Variants in TRAPPC9 observed in about 807,000 individuals in gnomAD.
The protein encoded by TRAPPC9 is IKK2 binding protein.
TRAPPC9 carries 83 observed loss-of-function variants against 124.0 expected under a neutral mutation model. The ratio of observed to expected loss-of-function variants is 0.67; its 90% CI spans 0.56 to 0.80. The LOEUF is 0.80. TRAPPC9 is among the 30% of genes least tolerant of loss of function. The pLI, the probability that TRAPPC9 is intolerant of heterozygous loss-of-function variation, is 0.00. For synonymous variants in TRAPPC9, 638 were observed against 617.5 expected, an observed-to-expected ratio of 1.03 and a Z score of -0.49; for missense variants, 1,302 against 1,508.3, an observed-to-expected ratio of 0.86 and a Z score of 2.27.
intron 11 of TRAPPC9, among the ~76,000 whole-genome samples, chr8:140,296,250 G>A (rs2131798739): frequency 6.6e-6 from 1 of 152,102 alleles, no homozygotes; most frequent in Non-Finnish European, 1.5e-5. Flanking sequence ...TTCACAAAAG[G>A]AATCTTTGAC....
At position 140,300,560 on chromosome 8, in the gene TRAPPC9, G is replaced by A; in HGVS notation, c.1677C>T (p.Ser559=). ...TGGTTGACACGTTCTGACCCAGCAA[G>A]CTTTTCATTTTGTGTGGCCGGAGGC... ...PASLRPHKMK[S]LLGQNVSTKS... is the part of the protein sequence containing the mutation. Residue 559 remains serine (S), a synonymous_variant, in exon 11 of 23, where the codon AGC becomes AGT. Coordinates refer to ENST00000438773, the MANE Select transcript of TRAPPC9 (RefSeq NM_001160372.4). 1 of 1,614,236 alleles carries A rather than the reference G, an allele frequency of 6.2e-7. No homozygotes were observed. The highest frequency in any genetic ancestry group is 2.2e-5 in the East Asian group (1 of 44,890).
intron 17 of TRAPPC9, among the ~76,000 whole-genome samples, chr8:140,192,098 G>A (rs1402932871): frequency 1.3e-5 from 2 of 152,162 alleles, no homozygotes; most frequent in African/African-American, 4.8e-5. Flanking sequence ...TGAAGCTTTG[G>A]TTAAGCAAAA....
chr8:139,947,094 G>T (rs1834275148), intron 19 of TRAPPC9, among the ~76,000 whole-genome samples: 1 of 152,208 alleles, frequency 6.6e-6, no homozygotes, highest in Admixed American at 6.5e-5. Flanking sequence ...TAATTAAATT[G>T]CAGGGTTTCC....
intron 20 of TRAPPC9, among the ~76,000 whole-genome samples, chr8:139,890,879 A>G (rs897610359): frequency 6.6e-6 from 1 of 151,974 alleles, no homozygotes; most frequent in African/African-American, 2.4e-5. Flanking sequence ...TTTAAAAAAA[A>G]AAAAGAAAAT....
intron 8 of TRAPPC9, among the ~76,000 whole-genome samples, chr8:140,367,532 G>T (rs1039677941): frequency 2.0e-5 from 3 of 152,170 alleles, no homozygotes; most frequent in Admixed American, 1.3e-4. Context: ...CAAAACTATG[G>T]AGACAGTAAA....
At chr8:139,752,851 TCCATCCAC>T (rs1446218712) in intron 21 of TRAPPC9, among the ~76,000 whole-genome samples, 2 of 147,154 alleles carry the variant, frequency 1.4e-5, no homozygotes, top group African/African-American at 5.1e-5. Flanking sequence ...CATCCATCCA[TCCATCCAC>T]CCATCCAACA....
At chr8:140,021,213 T>C (rs187385788) in intron 18 of TRAPPC9, among the ~76,000 whole-genome samples, 1 of 152,224 alleles carries the variant, frequency 6.6e-6, no homozygotes, top group Non-Finnish European at 1.5e-5. Flanking sequence ...TCCCCTTTTT[T>C]GGGGTTAAGT....
intron 21 of TRAPPC9, among the ~76,000 whole-genome samples, chr8:139,867,606 T>C (rs1828634776): frequency 6.6e-6 from 1 of 152,126 alleles, no homozygotes; most frequent in Non-Finnish European, 1.5e-5. Flanking sequence ...CAACTAGAGA[T>C]TGTGGGCCAC....
intron 17 of TRAPPC9, among the ~76,000 whole-genome samples, chr8:140,140,830 C>G (rs1333152169): frequency 2.6e-5 from 4 of 152,126 alleles, no homozygotes; most frequent in Non-Finnish European, 5.9e-5. Flanking sequence ...TCCACTAGAT[C>G]CCTCCAGAGA....
At chr8:140,181,803 T>C (rs1366014726) in intron 17 of TRAPPC9, among the ~76,000 whole-genome samples, 2 of 152,164 alleles carry the variant, frequency 1.3e-5, no homozygotes, top group East Asian at 3.9e-4. Context: ...TGTAGTTTGT[T>C]GTCTGTGGCT....
Position 140,104,757 on chromosome 8 carries a change from C to A in TRAPPC9, c.2557-80678G>T, listed in dbSNP as rs938764496. Among the ~76,000 whole-genome samples the A allele has an allele frequency of 2.0e-5, 3 of 152,230 alleles. No individual in the cohort carries two copies. On this transcript the variant is annotated intron_variant, in intron 17 of 22. Coordinates refer to ENST00000438773, the MANE Select transcript of TRAPPC9 (RefSeq NM_001160372.4). The surrounding 1 kb of genome is among the most constrained non-coding windows in gnomAD (Gnocchi z 4.0). The stretch of plus-strand genomic sequence containing the variant: ...TGTAGTTACCCAGCTAACAGAAGAA[C>A]GGTTCACACCGACAAGGTACTTCTT...
intron 21 of TRAPPC9, among the ~76,000 whole-genome samples, chr8:139,803,059 G>T (rs770243108): frequency 1.3e-5 from 2 of 152,062 alleles, no homozygotes; most frequent in African/African-American, 2.4e-5. Context: ...TCTGTGTGCC[G>T]TCGTGTGACT....
intron 17 of TRAPPC9, among the ~76,000 whole-genome samples, chr8:140,114,334 A>AAG (rs200256187): frequency 1.4e-5 from 2 of 139,864 alleles, no homozygotes; most frequent in Non-Finnish European, 1.5e-5. Context: ...GGACTGAAGA[A>AAG]AAAAAAAAAA....
Position 139,732,092 on chromosome 8 carries a change from C to G in TRAPPC9, c.3166G>C (p.Gly1056Arg), listed in dbSNP as rs749340960. ...RLTNRSPRSV[G>R]PFALTVVPFQ... is the part of the protein sequence containing the mutation. ...GGGACCACAGTGAGGGCGAAGGGCC[C>G]TACGCTGCGCGGGCTCCGGTTGGTC... The change falls in exon 22 of 23, where the codon GGG becomes CGG. Residue 1056 changes from glycine to arginine, a missense_variant. This residue lies in a region of TRAPPC9 where 640 missense variants were observed against 679.3 expected (regional missense o/e 0.94). Transcript: ENST00000438773. The G allele has an allele frequency of 6.2e-7, 1 of 1,605,928 alleles. No individual in the cohort carries two copies. Among genetic ancestry groups the G allele is most frequent in the Non-Finnish European group, 8.5e-7 (1 of 1,176,610 alleles).
chr8:139,758,857 C>T (rs376393483), intron 21 of TRAPPC9, among the ~76,000 whole-genome samples: 23 of 152,292 alleles, frequency 1.5e-4, no homozygotes, highest in African/African-American at 5.3e-4. Flanking sequence ...GAGGCTGAGG[C>T]GGGTTTCTGA....
chr8:140,043,181 T>C (rs950413429), intron 17 of TRAPPC9, among the ~76,000 whole-genome samples: 1 of 152,246 alleles, frequency 6.6e-6, no homozygotes. Context: ...ATCCAGCATC[T>C]AGAATTTCTT....
chr8:140,371,856 C>A (rs1172857320), intron 7 of TRAPPC9, among the ~76,000 whole-genome samples: 2 of 152,126 alleles, frequency 1.3e-5, no homozygotes, highest in East Asian at 3.9e-4. Context: ...AGCACCCACC[C>A]CCATGCTGGC....
intron 17 of TRAPPC9, among the ~76,000 whole-genome samples, chr8:140,056,833 G>C (rs970275553): frequency 6.6e-6 from 1 of 152,010 alleles, no homozygotes; most frequent in Admixed American, 6.6e-5. Context: ...AAACTAAAAC[G>C]CTTCTATACA....
intron 21 of TRAPPC9, among the ~76,000 whole-genome samples, chr8:139,857,052 G>C (rs1404207175): frequency 6.6e-6 from 1 of 152,044 alleles, no homozygotes; most frequent in Non-Finnish European, 1.5e-5. Flanking sequence ...TCTGGGCGGG[G>C]GGAGCTGGTT....
Sources: gnomAD v4.1 joint callset for allele counts (sites outside exome capture counted in the v4.1 genomes callset) on GRCh38, gnomAD v4.1.1 for gene constraint, gnomAD v4.1.1 regional missense constraint, Gnocchi (gnomAD v3.1) non-coding constraint, MANE v1.5 for transcripts, NCBI Gene and HGNC (gene_info 2026-07-23, HGNC 2026-07-21) for gene names.